Variants in ELMO1 observed in about 807,000 individuals in gnomAD.
ELMO1 encodes engulfment and cell motility protein 1.
In ELMO1, 26 loss-of-function variants were observed where a neutral mutation model predicts 98.9. That is an observed-to-expected ratio of 0.26 (90% CI 0.19 to 0.36). The LOEUF is 0.36. Ranked by LOEUF, ELMO1 falls within the 10% of genes least tolerant of loss-of-function variation. The pLI, the probability that ELMO1 is intolerant of heterozygous loss-of-function variation, is 1.00. For synonymous variants in ELMO1, 346 were observed against 346.0 expected (o/e 1.00, Z 0.00); for missense variants, 627 against 935.2 (o/e 0.67, Z 4.30).
chr7:37,167,062 T>C (rs1047188034), intron 13 of ELMO1, among the ~76,000 whole-genome samples: 6 of 152,332 alleles, frequency 3.9e-5, no homozygotes, highest in African/African-American at 1.4e-4. Context: ...TTAGCTCTTC[T>C]TGTTGAATTG....
intron 1 of ELMO1, among the ~76,000 whole-genome samples, chr7:37,444,762 C>T (rs1805541200): frequency 6.6e-6 from 1 of 152,214 alleles, no homozygotes; most frequent in Admixed American, 6.5e-5. Flanking sequence ...AATCCACCCG[C>T]CTCGGACTCC....
intron 14 of ELMO1, among the ~76,000 whole-genome samples, chr7:37,132,320 A>G (rs1446809654): frequency 6.6e-6 from 1 of 152,172 alleles, no homozygotes; most frequent in African/African-American, 2.4e-5. Context: ...ATACTTTCTA[A>G]GCTTACATCT....
At chr7:36,909,711 T>C (rs1010982838) in intron 16 of ELMO1, among the ~76,000 whole-genome samples, 4 of 152,276 alleles carry the variant, frequency 2.6e-5, no homozygotes, top group African/African-American at 9.6e-5. Context: ...TTTTGTTTTC[T>C]GATATCTCAC....
At chr7:36,969,547 C>T (rs1446201311) in intron 16 of ELMO1, among the ~76,000 whole-genome samples, 1 of 152,092 alleles carries the variant, frequency 6.6e-6, no homozygotes, top group East Asian at 1.9e-4. Context: ...CATCACTTCC[C>T]TAGTTTTATG....
chr7:37,013,606 C>G, intron 15 of ELMO1, 171 bp from the exon 16 acceptor site: 1 of 732,572 alleles, frequency 1.4e-6, no homozygotes, highest in Non-Finnish European at 2.2e-6. Flanking sequence ...CCCCATACAA[C>G]TCGGAAGTTT....
At chr7:37,354,333 A>G (rs1329306560) in intron 1 of ELMO1, among the ~76,000 whole-genome samples, 1 of 152,250 alleles carries the variant, frequency 6.6e-6, no homozygotes, top group Non-Finnish European at 1.5e-5. Context: ...ATGCATTTTT[A>G]AAATCCAGAA....
intron 16 of ELMO1, among the ~76,000 whole-genome samples, chr7:36,909,154 T>C (rs989446067): frequency 2.0e-5 from 3 of 152,252 alleles, no homozygotes; most frequent in Non-Finnish European, 2.9e-5. Flanking sequence ...AACTTTAACC[T>C]ACGATTAATG....
Position 37,215,029 on chromosome 7 carries a change from A to G in ELMO1, c.832-1572T>C, listed in dbSNP as rs185860297. Among the ~76,000 whole-genome samples the G allele has an allele frequency of 2.0e-5, 3 of 152,354 alleles. No individual in the cohort carries two copies. The East Asian group carries it at 5.8e-4, about 29-fold the overall frequency. Reference sequence around the variant, plus strand: ...ACATTTACTGAGAGCCAATATAAAGAAGGACAGTAATTATGAATACTTCTG... The same window carrying G: ...ACATTTACTGAGAGCCAATATAAAGGAGGACAGTAATTATGAATACTTCTG... On this transcript the variant is annotated intron_variant, in intron 11 of 21. Transcript: ENST00000310758.
intron 1 of ELMO1, among the ~76,000 whole-genome samples, chr7:37,411,177 A>G (rs1803979649): frequency 6.6e-6 from 1 of 152,252 alleles, no homozygotes; most frequent in Non-Finnish European, 1.5e-5. Flanking sequence ...GGGAAGTCCC[A>G]CAGATATTAA....
intron 1 of ELMO1, among the ~76,000 whole-genome samples, chr7:37,407,035 G>A (rs777072021): frequency 4.6e-5 from 7 of 152,026 alleles, no homozygotes; most frequent in African/African-American, 9.7e-5. Context: ...TTATAATAGC[G>A]TTGAAAAAAC....
At chr7:36,942,859 A>T (rs1345359014) in intron 16 of ELMO1, among the ~76,000 whole-genome samples, 1 of 152,230 alleles carries the variant, frequency 6.6e-6, no homozygotes, top group African/African-American at 2.4e-5. Flanking sequence ...GGCCTTTCTC[A>T]GTAACTGATA....
chr7:37,234,956 T>G (rs181407991), intron 7 of ELMO1, among the ~76,000 whole-genome samples: 2 of 152,326 alleles, frequency 1.3e-5, no homozygotes, highest in African/African-American at 4.8e-5. Context: ...GCCAAACCAT[T>G]CAGACCAGAT....
chr7:37,360,515 A>G (rs1801662438), intron 1 of ELMO1, among the ~76,000 whole-genome samples: 1 of 152,166 alleles, frequency 6.6e-6, no homozygotes, highest in Admixed American at 6.5e-5. Context: ...CACTTAAAAG[A>G]CAAAACTCTA....
At chr7:36,868,898 G>A (rs992223253) in intron 20 of ELMO1, among the ~76,000 whole-genome samples, 1 of 152,112 alleles carries the variant, frequency 6.6e-6, no homozygotes, top group Non-Finnish European at 1.5e-5. Context: ...TTACGTAACT[G>A]TGGGGACCTC....
chr7:36,968,374 A>G (rs952468441), intron 16 of ELMO1, among the ~76,000 whole-genome samples: 3 of 152,224 alleles, frequency 2.0e-5, no homozygotes, highest in Admixed American at 2.0e-4. Flanking sequence ...ATTTTCAGAA[A>G]GACTGTACTA....
intron 15 of ELMO1, among the ~76,000 whole-genome samples, chr7:37,056,953 T>G (rs1796419595): frequency 6.6e-6 from 1 of 152,360 alleles, no homozygotes; most frequent in South Asian, 2.1e-4. Context: ...ATGGCTTCAG[T>G]ATTAAATAAT....
chr7:37,135,639 G>T (rs2541102), intron 13 of ELMO1, among the ~76,000 whole-genome samples: 20,908 of 152,064 alleles, frequency 0.14, 1,691 homozygotes, highest in Middle Eastern at 0.24. Context: ...AATCACTACA[G>T]CTTGGCTCTT....
chr7:36,869,772 G>A (rs1366138012), intron 20 of ELMO1, among the ~76,000 whole-genome samples: 1 of 152,208 alleles, frequency 6.6e-6, no homozygotes, highest in Non-Finnish European at 1.5e-5. Context: ...GGAATGGTTG[G>A]TAAACTAGGA....
intron 2 of ELMO1, among the ~76,000 whole-genome samples, chr7:37,337,433 G>T (rs1459928064): frequency 6.6e-6 from 1 of 151,402 alleles, no homozygotes; most frequent in Non-Finnish European, 1.5e-5. Context: ...GTTAAATGAC[G>T]AGTTAATGGG....
Sources: allele counts gnomAD v4.1 joint callset (sites outside exome capture counted in the v4.1 genomes callset), GRCh38; gene constraint gnomAD v4.1.1; transcripts MANE v1.5; gene names NCBI Gene and HGNC (gene_info 2026-07-23, HGNC 2026-07-21).